The following GRM1 variants were observed in gnomAD, a reference collection of about 807,000 sequenced individuals.
GRM1 encodes the protein metabotropic glutamate receptor 1.
GRM1 carries 33 observed loss-of-function variants against 90.9 expected under a neutral mutation model. The observed-to-expected ratio is 0.36, with a 90% CI of 0.28 to 0.49. The LOEUF (loss-of-function observed/expected upper bound fraction) is 0.49, where lower values mean the gene tolerates loss of function less well. GRM1 is among the 20% of genes least tolerant of loss of function. The pLI is 0.99. For synonymous variants in GRM1, 700 were observed against 613.2 expected (o/e 1.14, Z -2.09); for missense variants, 1,190 against 1,534.3 (o/e 0.78, Z 3.75).
chr6:146,047,575 GAAA>G (rs5880663), intron 1 of GRM1, among the ~76,000 whole-genome samples: 4 of 139,176 alleles, frequency 2.9e-5, no homozygotes, highest in African/African-American at 5.3e-5. Flanking sequence ...CATGCCTCAG[GAAA>G]AAAAAAAAAA....
At chr6:146,110,448 C>G (rs188831490) in intron 1 of GRM1, among the ~76,000 whole-genome samples, 2 of 152,150 alleles carry the variant, frequency 1.3e-5, no homozygotes, top group African/African-American at 2.4e-5. Context: ...TCCAGCCACA[C>G]GGAACTGTTA....
chr6:146,433,325 G>A (rs906987037), intron 7 of GRM1, among the ~76,000 whole-genome samples: 27 of 152,100 alleles, frequency 1.8e-4, no homozygotes, highest in African/African-American at 5.3e-4. Flanking sequence ...GTGTGATCAC[G>A]CCACCCTGGT....
chr6:146,376,981 C>T lies in GRM1; in HGVS notation c.1603-9909C>T, dbSNP rs1002391203. Among the ~76,000 whole-genome samples the T allele has an allele frequency of 2.0e-5, 3 of 152,126 alleles. No homozygotes were observed. In the East Asian group the frequency reaches 5.8e-4, roughly 29 times the overall value. ...AGGGGAGTTCCCCTGCACATGCTCT[C>T]TCTCTTGCCTGTCACCATGCAAGAC... is the stretch of plus-strand genomic sequence containing the variant. On this transcript the variant is annotated intron_variant, in intron 5 of 7. Coordinates refer to ENST00000282753, the MANE Select transcript of GRM1 (RefSeq NM_001278064.2).
At chr6:146,324,635 C>T (rs1449466280) in intron 3 of GRM1, among the ~76,000 whole-genome samples, 1 of 151,940 alleles carries the variant, frequency 6.6e-6, no homozygotes, top group African/African-American at 2.4e-5. Context: ...GTGCACCATC[C>T]CTCAGGGTAC....
intron 1 of GRM1, among the ~76,000 whole-genome samples, chr6:146,066,742 T>C (rs1424273804): frequency 6.6e-6 from 1 of 150,504 alleles, no homozygotes. Flanking sequence ...GAGAACAGGT[T>C]TTACATAATA....
chr6:146,375,925 T>A (rs901427682), intron 5 of GRM1, among the ~76,000 whole-genome samples: 1 of 152,134 alleles, frequency 6.6e-6, no homozygotes, highest in Admixed American at 6.6e-5. Flanking sequence ...TTCTGGTAGT[T>A]TTATGGTCTT....
intron 3 of GRM1, among the ~76,000 whole-genome samples, chr6:146,338,359 A>G (rs974988235): frequency 1.3e-5 from 2 of 152,220 alleles, no homozygotes; most frequent in African/African-American, 2.4e-5. Context: ...CTCAGCCCCA[A>G]CAAGTCCTCT....
At chr6:146,342,344 T>C (rs543674513) in intron 3 of GRM1, among the ~76,000 whole-genome samples, 1 of 152,382 alleles carries the variant, frequency 6.6e-6, no homozygotes, top group South Asian at 2.1e-4. Flanking sequence ...TTATAGATTA[T>C]ATATTGTCTG....
At chr6:146,385,958 T>A (rs1776483778) in intron 5 of GRM1, among the ~76,000 whole-genome samples, 1 of 151,910 alleles carries the variant, frequency 6.6e-6, no homozygotes, top group Non-Finnish European at 1.5e-5. Flanking sequence ...TAAGCCACTA[T>A]GCAGATAAAA....
chr6:146,215,952 T>A (rs908599511), intron 2 of GRM1, among the ~76,000 whole-genome samples: 2 of 152,020 alleles, frequency 1.3e-5, no homozygotes, highest in South Asian at 4.2e-4. Flanking sequence ...AGGGACGGGG[T>A]TTCACCGTGT....
chr6:146,347,516 G>T (rs1456398450), intron 3 of GRM1, among the ~76,000 whole-genome samples: 1 of 152,162 alleles, frequency 6.6e-6, no homozygotes, highest in Non-Finnish European at 1.5e-5. Context: ...TACAAAGTTA[G>T]TATGCAAATA....
At chr6:146,051,227 A>AT (rs1171469075) in intron 1 of GRM1, among the ~76,000 whole-genome samples, 1 of 152,088 alleles carries the variant, frequency 6.6e-6, no homozygotes, top group African/African-American at 2.4e-5. Context: ...CTTACTTCTC[A>AT]TGCAGCTAAC....
Position 146,435,706 on chromosome 6 carries a change from G to C in GRM1, c.*910G>C, listed in dbSNP as rs1475370733. On this transcript the variant is annotated 3_prime_UTR_variant, in exon 8 of 8. Transcript: ENST00000282753. ...AAAGGCCGGAACAAGAGATTGTTAC[G>C]AGAGTGGCAGAAACCCTTTTGTAGA... 6.6e-6 allele frequency: 1 copy of C among 152,568 alleles called. No homozygotes were observed. 9.5% of individuals were successfully genotyped at this position (152,568 alleles called of 1,614,324 possible).
intron 6 of GRM1, among the ~76,000 whole-genome samples, chr6:146,397,422 T>C (rs1583440177): frequency 7.6e-6 from 1 of 131,080 alleles, no homozygotes; most frequent in Non-Finnish European, 1.5e-5. Flanking sequence ...TGCAGTGAGC[T>C]GAGATTGCGC....
At chr6:146,084,587 C>G (rs1776479113) in intron 1 of GRM1, among the ~76,000 whole-genome samples, 2 of 152,004 alleles carry the variant, frequency 1.3e-5, no homozygotes, top group Non-Finnish European at 2.9e-5. Context: ...TTTGATTGCC[C>G]TGTGGTCTGA....
intron 2 of GRM1, among the ~76,000 whole-genome samples, chr6:146,280,176 A>AC (rs1357694541): frequency 2.0e-5 from 3 of 151,872 alleles, no homozygotes; most frequent in Non-Finnish European, 4.4e-5. Context: ...ACCCACCAAG[A>AC]CCCCAGCTCT....
intron 7 of GRM1, among the ~76,000 whole-genome samples, chr6:146,410,263 TA>T (rs779741722): frequency 2.6e-5 from 4 of 151,744 alleles, no homozygotes. Flanking sequence ...GTCCTTAATT[TA>T]AAAAAAATAC....
intron 7 of GRM1, among the ~76,000 whole-genome samples, chr6:146,425,552 G>A (rs1778168062): frequency 6.6e-6 from 1 of 152,214 alleles, no homozygotes; most frequent in African/African-American, 2.4e-5. Context: ...CTTCTGGGTA[G>A]AGGGTCAGAT....
intron 2 of GRM1, among the ~76,000 whole-genome samples, chr6:146,273,131 A>G (rs1343419833): frequency 1.3e-5 from 2 of 152,212 alleles, no homozygotes; most frequent in East Asian, 1.9e-4. Flanking sequence ...TGTGCCAAAT[A>G]TACTTTTTCA....
Sources: gnomAD v4.1 joint callset for allele counts (sites outside exome capture counted in the v4.1 genomes callset) on GRCh38, gnomAD v4.1.1 for gene constraint, MANE v1.5 for transcripts, NCBI Gene and HGNC (gene_info 2026-07-23, HGNC 2026-07-21) for gene names.